The following RBFOX1 variants were observed in gnomAD, a reference collection of about 807,000 sequenced individuals.
RBFOX1 encodes RNA binding fox-1 homolog 1.
In RBFOX1, 8 loss-of-function variants were observed where a neutral mutation model predicts 57.7. That is an observed-to-expected ratio of 0.14 (90% CI 0.08 to 0.25). The LOEUF is 0.25. Ranked by LOEUF, RBFOX1 falls within the 10% of genes least tolerant of loss-of-function variation. The probability of loss-of-function intolerance (pLI) is 1.00; values close to 1 mark genes in which losing one functional copy is unlikely to be tolerated. For synonymous variants in RBFOX1, 326 were observed against 222.4 expected, an observed-to-expected ratio of 1.47 and a Z score of -4.15; for missense variants, 611 against 548.5, an observed-to-expected ratio of 1.11 and a Z score of -1.14.
intron 3 of RBFOX1, among the ~76,000 whole-genome samples, chr16:6,952,886 A>AT (rs2081048910): frequency 6.6e-6 from 1 of 151,980 alleles, no homozygotes; most frequent in South Asian, 2.1e-4. Context: ...GAGGCAGGAG[A>AT]AGGGCTTGAA....
At chr16:6,011,227 A>G (rs1294880321) in intron 4 of RBFOX1, among the ~76,000 whole-genome samples, 4 of 152,218 alleles carry the variant, frequency 2.6e-5, no homozygotes, top group East Asian at 3.9e-4. Flanking sequence ...TTCATTAACT[A>G]TTTACACCTC....
intron 3 of RBFOX1, among the ~76,000 whole-genome samples, chr16:7,050,312 A>G (rs891208180): frequency 4.7e-5 from 5 of 105,454 alleles, no homozygotes; most frequent in Non-Finnish European, 8.3e-5. Flanking sequence ...GTTGCCCAGG[A>G]TGGAGTATAA....
At chr16:7,016,398 A>G (rs921395490) in intron 3 of RBFOX1, among the ~76,000 whole-genome samples, 1 of 152,196 alleles carries the variant, frequency 6.6e-6, no homozygotes, top group African/African-American at 2.4e-5. Flanking sequence ...ACTGAAAACA[A>G]GGCACTGAAC....
chr16:6,024,291 G>A (rs187356678), intron 1 of RBFOX1, among the ~76,000 whole-genome samples: 18 of 152,284 alleles, frequency 1.2e-4, no homozygotes, highest in Admixed American at 1.2e-3. Context: ...AGCTTATATT[G>A]TCGTGGGGGA....
intron 4 of RBFOX1, among the ~76,000 whole-genome samples, chr16:7,319,125 T>G (rs952478085): frequency 1.3e-5 from 2 of 152,194 alleles, no homozygotes; most frequent in African/African-American, 4.8e-5. Context: ...CTTTTGTCCC[T>G]TTGTTCTATT....
chr16:7,158,077 G>A lies in RBFOX1; in HGVS notation c.27+105979G>A, dbSNP rs180915641. Among the ~76,000 whole-genome samples, 542 of 152,190 alleles carry A rather than the reference G, an allele frequency of 3.6e-3. 21 individuals are homozygous for A. Among genetic ancestry groups the A allele is most frequent in the Admixed American group, 0.03 (459 of 15,256 alleles). Reference sequence around the variant, plus strand: ...AAAAACTACAGGGTTGGCTGGGCGCGGTAGCTCAAGCCTGTAATTCCAGCA... The same window carrying A: ...AAAAACTACAGGGTTGGCTGGGCGCAGTAGCTCAAGCCTGTAATTCCAGCA... On this transcript the variant is annotated intron_variant, in intron 4 of 15. Coordinates refer to ENST00000550418, the MANE Select transcript of RBFOX1 (RefSeq NM_018723.4).
chr16:5,412,197 C>G (rs1222673179), intron 1 of RBFOX1, among the ~76,000 whole-genome samples: 1 of 152,056 alleles, frequency 6.6e-6, no homozygotes, highest in African/African-American at 2.4e-5. Flanking sequence ...GGCCAGGCTC[C>G]TGACTTGCTA....
At chr16:6,893,796 A>G (rs1432909143) in intron 3 of RBFOX1, among the ~76,000 whole-genome samples, 1 of 152,212 alleles carries the variant, frequency 6.6e-6, no homozygotes, top group African/African-American at 2.4e-5. Context: ...CTTTCAAGGT[A>G]TCTAAAACTT....
At chr16:6,981,997 A>G (rs545515044) in intron 3 of RBFOX1, among the ~76,000 whole-genome samples, 1 of 152,304 alleles carries the variant, frequency 6.6e-6, no homozygotes, top group South Asian at 2.1e-4. Flanking sequence ...AATAGTGTGT[A>G]ATACAATTTC....
At chr16:6,551,096 C>G (rs532276069) in intron 2 of RBFOX1, among the ~76,000 whole-genome samples, 8 of 152,282 alleles carry the variant, frequency 5.3e-5, no homozygotes, top group East Asian at 3.9e-4. Context: ...GTGATAATGG[C>G]TCTGCGTTTT....
chr16:6,583,581 G>A (rs937935420), intron 2 of RBFOX1, among the ~76,000 whole-genome samples: 2 of 152,100 alleles, frequency 1.3e-5, no homozygotes, highest in South Asian at 2.1e-4. Flanking sequence ...GTTACCTGTC[G>A]CCTTTTTAAC....
intron 5 of RBFOX1, among the ~76,000 whole-genome samples, chr16:7,525,075 T>C (rs555813404): frequency 6.6e-6 from 1 of 152,344 alleles, no homozygotes; most frequent in South Asian, 2.1e-4. Flanking sequence ...TCCAGAAGTG[T>C]TTTATGCAAA....
At chr16:7,261,354 G>A (rs1005846030) in intron 4 of RBFOX1, among the ~76,000 whole-genome samples, 2 of 152,156 alleles carry the variant, frequency 1.3e-5, no homozygotes, top group Non-Finnish European at 1.5e-5. Context: ...CACTACTACT[G>A]TCATGATGTC....
chr16:6,860,432 C>T lies in RBFOX1; in HGVS notation c.-15-191625C>T, dbSNP rs575279221. 5.1e-4 allele frequency among the ~76,000 whole-genome samples: 77 copies of T among 152,266 alleles called. 1 individual carries two copies. The South Asian group carries it at 5.6e-3, about 11-fold the overall frequency. ...ACAAAACACTACACGTTGGCTAAGACGCGGGGGCAGCGGGCGCTCTACCGT... is the reference window on the plus strand; with the variant it reads ...ACAAAACACTACACGTTGGCTAAGATGCGGGGGCAGCGGGCGCTCTACCGT... On this transcript the variant is annotated intron_variant, in intron 3 of 15. Coordinates refer to ENST00000550418, the MANE Select transcript of RBFOX1 (RefSeq NM_018723.4).
intron 4 of RBFOX1, among the ~76,000 whole-genome samples, chr16:5,916,382 C>T (rs1288867953): frequency 6.6e-6 from 1 of 152,152 alleles, no homozygotes; most frequent in African/African-American, 2.4e-5. Flanking sequence ...CTTCCTCCCT[C>T]TCTTATTTCT....
At chr16:7,672,287 T>C (rs1285186698) in intron 13 of RBFOX1, among the ~76,000 whole-genome samples, 1 of 152,218 alleles carries the variant, frequency 6.6e-6, no homozygotes, top group Non-Finnish European at 1.5e-5. Flanking sequence ...ATTACCCACA[T>C]TGAAACCGTC....
At chr16:6,932,362 C>T (rs762316914) in intron 3 of RBFOX1, among the ~76,000 whole-genome samples, 25 of 152,194 alleles carry the variant, frequency 1.6e-4, no homozygotes, top group Admixed American at 4.6e-4. Context: ...CTGCCTCAGG[C>T]TCCCTAAGTG....
intron 2 of RBFOX1, among the ~76,000 whole-genome samples, chr16:5,469,882 A>T (rs2069076483): frequency 6.6e-6 from 1 of 152,176 alleles, no homozygotes; most frequent in Non-Finnish European, 1.5e-5. Context: ...AGACCACATG[A>T]TTATCCATTC....
At chr16:7,705,367 T>C (rs901212715) in intron 14 of RBFOX1, among the ~76,000 whole-genome samples, 1 of 151,882 alleles carries the variant, frequency 6.6e-6, no homozygotes. Flanking sequence ...TAGCTGGGTG[T>C]GGTGGCAGGT....
Sources: gnomAD v4.1 joint callset for allele counts (sites outside exome capture counted in the v4.1 genomes callset) on GRCh38, gnomAD v4.1.1 for gene constraint, MANE v1.5 for transcripts, NCBI Gene and HGNC (gene_info 2026-07-23, HGNC 2026-07-21) for gene names.